Variants in RGPD1 observed in about 807,000 individuals in gnomAD.
RGPD1 encodes RANBP2 like and GRIP domain containing 1.
RGPD1 carries 7 observed loss-of-function variants against 40.6 expected under a neutral mutation model. The observed-to-expected ratio is 0.17, with a 90% CI of 0.10 to 0.32. The LOEUF is 0.32. Among genes scored for constraint, RGPD1 ranks in the 10% least tolerant of loss-of-function variants. The probability of loss-of-function intolerance (pLI) is 1.00; values close to 1 mark genes in which losing one functional copy is unlikely to be tolerated. For synonymous variants in RGPD1, 24 were observed against 167.0 expected (o/e 0.14, Z 6.60); for missense variants, 50 against 472.5 (o/e 0.11, Z 8.29).
rs568000501 is a variant in RGPD1 at position 86,930,548 on chromosome 2, A to T, written c.72+16627A>T. 3.2e-6 allele frequency: 5 copies of T among 1,574,564 alleles called. No individual in the cohort carries two copies. In the Admixed American group the frequency reaches 8.4e-5, roughly 26 times the overall value. On this transcript the variant is annotated intron_variant, in intron 1 of 22. Coordinates refer to the RGPD1 transcript ENST00000398193. ...GGTGGCGGAAGGCCCAACAGCAGCTAAAGAGGATGAGGACAGTCCAGAGCA... is the reference window on the plus strand; with the variant it reads ...GGTGGCGGAAGGCCCAACAGCAGCTTAAGAGGATGAGGACAGTCCAGAGCA...
intron 1 of RGPD1, among the ~76,000 whole-genome samples, chr2:86,923,270 C>A (rs1217111669): frequency 2.0e-5 from 3 of 151,578 alleles, no homozygotes; most frequent in Admixed American, 2.0e-4. Flanking sequence ...AACTCATGAC[C>A]TCAAGTGACC....
rs1225278077 is a variant in RGPD1, at chr2:87,013,707, C to A, written c.*1160C>A. 2 of 15,502 alleles carry A rather than the reference C, an allele frequency of 1.3e-4. No homozygotes were observed. Among genetic ancestry groups the A allele is most frequent in the African/African-American group, 3.7e-4 (1 of 2,710 alleles). 1.0% of individuals were successfully genotyped at this position (15,502 alleles called of 1,614,324 possible). ...TCAACCAGCTTCCACTCAACCAACTCACCAGTTAGACAATGGGCCCTCTCC... is the reference window on the plus strand; with the variant it reads ...TCAACCAGCTTCCACTCAACCAACTAACCAGTTAGACAATGGGCCCTCTCC... On this transcript the variant is annotated 3_prime_UTR_variant, in exon 23 of 23. Transcript: ENST00000641458.
intron 1 of RGPD1, among the ~76,000 whole-genome samples, chr2:86,933,573 ACTTT>A (rs1174160301): frequency 2.3e-5 from 3 of 131,396 alleles, no homozygotes; most frequent in Non-Finnish European, 4.9e-5. Context: ...GAAAATTGTT[ACTTT>A]CTTTCGTACA....
chr2:86,978,111 C>A (rs865990863), intron 17 of RGPD1, among the ~76,000 whole-genome samples, 180 bp downstream of exon 17: 1 of 115,032 alleles, frequency 8.7e-6, no homozygotes, highest in Non-Finnish European at 1.8e-5. Flanking sequence ...GTGCAGGCTG[C>A]AGTACAGTGG....
intron 1 of RGPD1, among the ~76,000 whole-genome samples, chr2:86,945,251 C>G (rs550764455): frequency 1.3e-4 from 19 of 151,348 alleles, no homozygotes; most frequent in Non-Finnish European, 2.1e-4. Context: ...TTTTTTTCCC[C>G]CAAATTTAAA....
At chr2:86,914,002 C>G in intron 1 of RGPD1, 2 of 707,160 alleles carry the variant, frequency 2.8e-6, no homozygotes, top group Non-Finnish European at 3.2e-6. Context: ...GCGGCGGCCT[C>G]GGCCTCGGCC....
chr2:86,944,885 GC>G (rs1165566972), intron 1 of RGPD1, among the ~76,000 whole-genome samples: 2 of 151,146 alleles, frequency 1.3e-5, no homozygotes. Context: ...ACCATGCCCG[GC>G]TTTTTTCTTT....
intron 1 of RGPD1, among the ~76,000 whole-genome samples, chr2:86,925,548 A>G (rs1025411711): frequency 5.9e-5 from 9 of 152,362 alleles, no homozygotes; most frequent in Non-Finnish European, 1.2e-4. Context: ...GATTACAGGC[A>G]TGAGCCACTG....
intron 1 of RGPD1, among the ~76,000 whole-genome samples, chr2:86,936,984 G>A (rs1573595516): frequency 9.2e-6 from 1 of 109,140 alleles, no homozygotes; most frequent in East Asian, 2.4e-4. Flanking sequence ...ACCTGGCAGA[G>A]TTTTAACAAT....
chr2:86,915,226 G>T (rs1677736313), intron 1 of RGPD1, among the ~76,000 whole-genome samples: 1 of 150,706 alleles, frequency 6.6e-6, no homozygotes, highest in East Asian at 2.0e-4. Flanking sequence ...AACCCAGAAT[G>T]CGGAGGTTGC....
At chr2:86,924,094 TAAG>T (rs1678264413) in intron 1 of RGPD1, among the ~76,000 whole-genome samples, 1 of 86,442 alleles carries the variant, frequency 1.2e-5, no homozygotes. Context: ...TTTTTTTTTT[TAAG>T]TCATGAATAA....
At chr2:86,940,984 A>T (rs1427150845), upstream of RGPD1, among the ~76,000 whole-genome samples, 2 of 151,988 alleles carry the variant, frequency 1.3e-5, no homozygotes, top group Admixed American at 1.3e-4. Context: ...TGGTTGAAAT[A>T]AAACAAAATG....
At chr2:86,914,599 TCGACCTGGCCGGGCGGCGGCGGCGGCGG>T (rs1677675623) in intron 1 of RGPD1, among the ~76,000 whole-genome samples, 1 of 54,112 alleles carries the variant, frequency 1.8e-5, no homozygotes, top group African/African-American at 7.6e-5. Flanking sequence ...GGCCTTGGCC[TCGACCTGGCCGGGCGGCGGCGGCGGCGG>T]CGGCCTCGAC....
chr2:86,931,295 G>T (rs1678943781), intron 1 of RGPD1, among the ~76,000 whole-genome samples: 1 of 151,778 alleles, frequency 6.6e-6, no homozygotes, highest in Admixed American at 6.6e-5. Context: ...ATTTCTGGTA[G>T]ATATATTTCT....
intron 22 of RGPD1, among the ~76,000 whole-genome samples, chr2:87,007,628 C>G (rs1682107808): frequency 6.6e-6 from 1 of 152,348 alleles, no homozygotes; most frequent in Non-Finnish European, 1.5e-5. Flanking sequence ...ATCCAGCCGT[C>G]TCAGATCAAA....
chr2:86,944,530 G>C (rs992834020), intron 1 of RGPD1, among the ~76,000 whole-genome samples: 4 of 151,880 alleles, frequency 2.6e-5, no homozygotes, highest in African/African-American at 9.7e-5. Flanking sequence ...AGTCTCCCGA[G>C]TAGTTGGGAC....
intron 1 of RGPD1, chr2:86,930,606 C>A (rs1237844059): frequency 1.2e-6 from 2 of 1,611,658 alleles, no homozygotes; most frequent in East Asian, 4.5e-5. Flanking sequence ...GTAGTAGGTG[C>A]AGCAGCCAGT....
At chr2:86,939,089 T>G (rs1271101602), upstream of RGPD1, among the ~76,000 whole-genome samples, 1 of 114,786 alleles carries the variant, frequency 8.7e-6, no homozygotes, top group East Asian at 2.2e-4. Flanking sequence ...TGAACTGTAT[T>G]TGCAACATGG....
chr2:86,923,225 G>C (rs1230050229), intron 1 of RGPD1, among the ~76,000 whole-genome samples: 9 of 150,766 alleles, frequency 6.0e-5, no homozygotes, highest in South Asian at 2.1e-4. Context: ...TTTTGGTAGA[G>C]ACAGGGTTTC....
Sources: gnomAD v4.1 joint callset for allele counts (sites outside exome capture counted in the v4.1 genomes callset) on GRCh38, gnomAD v4.1.1 for gene constraint, MANE v1.5 for transcripts, NCBI Gene and HGNC (gene_info 2026-07-23, HGNC 2026-07-21) for gene names.